The following CRTC3 variants were observed in gnomAD, a reference collection of about 807,000 sequenced individuals.
The protein encoded by CRTC3 is CREB-regulated transcription coactivator 3.
CRTC3 carries 26 observed loss-of-function variants against 74.5 expected under a neutral mutation model. The observed-to-expected ratio is 0.35, with a 90% confidence interval of 0.26 to 0.48. The LOEUF (loss-of-function observed/expected upper bound fraction) is 0.48, where lower values mean the gene tolerates loss of function less well. Ranked by LOEUF, CRTC3 falls within the 20% of genes least tolerant of loss-of-function variation. The pLI is 0.99. For missense variants in CRTC3, 760 were observed against 787.3 expected, an observed-to-expected ratio of 0.97 and a Z score of 0.41; for synonymous variants, 377 against 325.8, an observed-to-expected ratio of 1.16 and a Z score of -1.69.
intron 3 of CRTC3, 42 bp downstream of exon 3, chr15:90,593,797 T>C: frequency 6.4e-7 from 1 of 1,553,032 alleles, no homozygotes; most frequent in Non-Finnish European, 8.8e-7. Flanking sequence ...CATTCTGAAA[T>C]GTTTGAAAAG....
In CRTC3 at chr15:90,543,300, C is replaced by CAAA. The variant is rs10678466; in HGVS notation, c.231+3180_231+3182dup. Among the ~76,000 whole-genome samples, 289 of 107,968 alleles carry CAAA rather than the reference C, an allele frequency of 2.7e-3. 5 individuals carry two copies. Among genetic ancestry groups the CAAA allele is most frequent in the African/African-American group, 4.6e-3 (128 of 27,536 alleles). 70.8% of individuals were successfully genotyped at this position (107,968 alleles called of 152,430 possible). The stretch of plus-strand genomic sequence containing the variant: ...TGGGTGACAGAGCCAAACCCTGTCT[C>CAAA]AAAAAAAAAAAAAAAAAAAGGTGGC... On this transcript the variant is annotated intron_variant, in intron 2 of 14. Coordinates refer to ENST00000268184, the MANE Select transcript of CRTC3 (RefSeq NM_022769.5).
At chr15:90,547,201 CAT>C (rs771162543) in intron 2 of CRTC3, among the ~76,000 whole-genome samples, 1 of 152,138 alleles carries the variant, frequency 6.6e-6, no homozygotes, top group Non-Finnish European at 1.5e-5. Context: ...ATCAGACAAA[CAT>C]ATGCATCCTC....
intron 13 of CRTC3, 73 bp from the exon 14 acceptor site, chr15:90,641,024 G>A (rs543626188): frequency 3.2e-6 from 3 of 945,182 alleles, no homozygotes; most frequent in African/African-American, 1.6e-5. Context: ...TGCTCTGGGA[G>A]CACATTGCAA....
chr15:90,625,638 G>A (rs1443089072), intron 9 of CRTC3, 138 bp from the exon 10 acceptor site: 2 of 744,710 alleles, frequency 2.7e-6, no homozygotes, highest in African/African-American at 3.5e-5. Flanking sequence ...AGTGTTCTCA[G>A]AATCAGAGAG....
At chr15:90,584,578 C>T (rs1304672433) in intron 2 of CRTC3, among the ~76,000 whole-genome samples, 5 of 152,164 alleles carry the variant, frequency 3.3e-5, no homozygotes, top group Admixed American at 2.0e-4. Context: ...CTCATTATGT[C>T]GTCCAGGGTG....
chr15:90,641,174 G>A lies in CRTC3; in HGVS notation c.1626G>A (p.Gly542=). 2 of 1,613,640 alleles carry A rather than the reference G, an allele frequency of 1.2e-6. No individual in the cohort carries two copies. ...HLRPSPYSNC[G]SLPNTILPED... The stretch of plus-strand genomic sequence containing the variant: ...GACCAAGCCCGTATTCCAACTGCGG[G>A]AGTCTCCCGAACACCATCCTGCCAG... The change falls in exon 14 of 15, where the codon GGG becomes GGA. Residue 542 remains glycine, a synonymous_variant. Coordinates refer to ENST00000268184, the MANE Select transcript of CRTC3 (RefSeq NM_022769.5).
At chr15:90,610,796 C>T (rs949345617) in intron 6 of CRTC3, among the ~76,000 whole-genome samples, 4 of 152,262 alleles carry the variant, frequency 2.6e-5, no homozygotes, top group Admixed American at 6.5e-5. Flanking sequence ...CTCCTGACAT[C>T]GGGCATGTGG....
rs1567187602 is a variant in CRTC3, at chr15:90,619,765, C to T, written c.724C>T (p.Arg242Ter). Residue 242 changes from arginine to a stop codon, truncating the protein, a stop_gained, in exon 9 of 15, where the codon CGA (arginine) becomes TGA (stop). Coordinates refer to ENST00000268184, the MANE Select transcript of CRTC3 (RefSeq NM_022769.5). LOFTEE classifies it high-confidence loss of function. ...GATTCAGTCCCTGTCAGGACGCCCT[C>T]GATCCTGTGATGTTGGAGGTGGCAA... ...KEIQSLSGRPRSCDVGGGNAF... is the reference protein window; with the variant it reads ...KEIQSLSGRP The T allele has an allele frequency of 6.2e-7, 1 of 1,613,856 alleles. No individual in the cohort carries two copies.
intron 2 of CRTC3, among the ~76,000 whole-genome samples, chr15:90,543,001 A>G (rs180758244): frequency 5.9e-4 from 90 of 152,192 alleles, no homozygotes; most frequent in African/African-American, 2.0e-3. Flanking sequence ...TCTTTTATCA[A>G]TTAAGGTGGT....
intron 6 of CRTC3, 80 bp from the exon 7 acceptor site, chr15:90,614,373 G>A (rs942006063): frequency 2.0e-6 from 2 of 1,014,196 alleles, no homozygotes; most frequent in Non-Finnish European, 3.0e-6. Flanking sequence ...AAATCATAAA[G>A]AGTTACTGAT....
At chr15:90,626,798 A>G (rs1968850592) in intron 10 of CRTC3, among the ~76,000 whole-genome samples, 1 of 152,146 alleles carries the variant, frequency 6.6e-6, no homozygotes, top group African/African-American at 2.4e-5. Flanking sequence ...TATTTTTAGT[A>G]GAGACAGGGT....
chr15:90,579,454 T>G (rs1339546015), intron 2 of CRTC3, among the ~76,000 whole-genome samples: 1 of 152,068 alleles, frequency 6.6e-6, no homozygotes, highest in African/African-American at 2.4e-5. Flanking sequence ...CCGAGTGGGC[T>G]CTAAGGCTGG....
intron 3 of CRTC3, chr15:90,595,618 C>A (rs888442576): frequency 2.0e-5 from 3 of 150,858 alleles, no homozygotes; most frequent in Admixed American, 2.0e-4. Flanking sequence ...CCTCTTTTTC[C>A]TGTCAGTGCT....
intron 1 of CRTC3, among the ~76,000 whole-genome samples, chr15:90,533,125 C>T (rs1298114635): frequency 8.8e-6 from 1 of 113,104 alleles, no homozygotes; most frequent in Non-Finnish European, 1.8e-5. Context: ...AAAAAAAGGC[C>T]GGGCGCGGTG....
chr15:90,531,689 C>G (rs545005658), intron 1 of CRTC3, among the ~76,000 whole-genome samples: 1 of 152,298 alleles, frequency 6.6e-6, no homozygotes, highest in African/African-American at 2.4e-5. Flanking sequence ...ACTCGATAAG[C>G]TCAGAGCACG....
intron 2 of CRTC3, among the ~76,000 whole-genome samples, chr15:90,566,903 G>A (rs567236118): frequency 5.9e-5 from 9 of 151,972 alleles, no homozygotes; most frequent in African/African-American, 1.7e-4. Flanking sequence ...CAGAGACAGG[G>A]TTTCACTATG....
rs1027567437 is a variant in CRTC3, at chr15:90,643,073, G to A, written c.*933G>A. 4.3e-6 allele frequency: 1 copy of A among 232,210 alleles called. No homozygotes were observed. Among genetic ancestry groups the A allele is most frequent in the Non-Finnish European group, 8.5e-6 (1 of 117,484 alleles). The allele number at this position is 232,210 out of a possible 1,614,324, so 14.4% of individuals were successfully genotyped here. Reference sequence around the variant, plus strand: ...CCAGAGCTGTGTCTCTGTGGGCTGGGAGTCTAATGTCACCCCCCTAGACCG... The same window carrying A: ...CCAGAGCTGTGTCTCTGTGGGCTGGAAGTCTAATGTCACCCCCCTAGACCG... On this transcript the variant is annotated 3_prime_UTR_variant, in exon 15 of 15. Coordinates refer to ENST00000268184, the MANE Select transcript of CRTC3 (RefSeq NM_022769.5).
intron 2 of CRTC3, among the ~76,000 whole-genome samples, chr15:90,560,164 G>C (rs1267513507): frequency 6.6e-6 from 1 of 152,122 alleles, no homozygotes; most frequent in South Asian, 2.1e-4. Context: ...TCCAGGTTTG[G>C]TGGTTGATCA....
At chr15:90,614,898 T>C (rs1322662813) in intron 7 of CRTC3, among the ~76,000 whole-genome samples, 1 of 152,008 alleles carries the variant, frequency 6.6e-6, no homozygotes. Context: ...ACCCCGTCTC[T>C]ACTAAAAATA....
Sources: gnomAD v4.1 joint callset for allele counts (sites outside exome capture counted in the v4.1 genomes callset) on GRCh38, gnomAD v4.1.1 for gene constraint, MANE v1.5 for transcripts, NCBI Gene and HGNC (gene_info 2026-07-23, HGNC 2026-07-21) for gene names.